Variants in CDH12 observed in about 807,000 individuals in gnomAD.
CDH12 encodes the protein cadherin-12.
In CDH12, 41 loss-of-function variants were observed where a neutral mutation model predicts 74.1. The observed-to-expected ratio is 0.55, with a 90% CI of 0.43 to 0.72. The LOEUF is 0.72. Ranked by LOEUF, CDH12 falls within the 30% of genes least tolerant of loss-of-function variation. The pLI, the probability that CDH12 is intolerant of heterozygous loss-of-function variation, is 0.00. For missense variants in CDH12, 945 were observed against 977.2 expected, an observed-to-expected ratio of 0.97 and a Z score of 0.44; for synonymous variants, 399 against 355.0, an observed-to-expected ratio of 1.12 and a Z score of -1.39.
intron 3 of CDH12, among the ~76,000 whole-genome samples, chr5:22,343,323 C>CACAGAGAGAGAGAG (rs1378956871): frequency 7.3e-6 from 1 of 136,260 alleles, no homozygotes; most frequent in African/African-American, 2.9e-5. Context: ...GACACACACA[C>CACAGAGAGAGAGAG]AGAGAGAGAG....
At chr5:21,842,843 A>T (rs922200260) in intron 7 of CDH12, among the ~76,000 whole-genome samples, 6 of 152,126 alleles carry the variant, frequency 3.9e-5, no homozygotes, top group African/African-American at 1.2e-4. Flanking sequence ...TGTCTTTCAG[A>T]ATTCCCGTTA....
At chr5:21,918,326 T>C (rs1279689992) in intron 6 of CDH12, among the ~76,000 whole-genome samples, 2 of 152,146 alleles carry the variant, frequency 1.3e-5, no homozygotes, top group Non-Finnish European at 2.9e-5. Context: ...TAATTCCTAT[T>C]CAGATGTTAC....
intron 1 of CDH12, among the ~76,000 whole-genome samples, chr5:22,578,119 A>C (rs1048768854): frequency 6.6e-6 from 1 of 152,152 alleles, no homozygotes; most frequent in African/African-American, 2.4e-5. Context: ...ATCTTTACAT[A>C]TCTCTCTTTA....
intron 1 of CDH12, among the ~76,000 whole-genome samples, chr5:22,563,842 C>A (rs1428321634): frequency 6.6e-6 from 1 of 152,074 alleles, no homozygotes; most frequent in Non-Finnish European, 1.5e-5. Context: ...AGGGCTTGTG[C>A]AGAGAAACTC....
chr5:22,090,667 A>G (rs1324807814), intron 4 of CDH12, among the ~76,000 whole-genome samples: 2 of 151,724 alleles, frequency 1.3e-5, no homozygotes, highest in African/African-American at 2.4e-5. Context: ...TATAAATGTA[A>G]GAATTCTCAA....
intron 4 of CDH12, among the ~76,000 whole-genome samples, chr5:22,172,699 T>C (rs1749102924): frequency 6.6e-6 from 1 of 151,876 alleles, no homozygotes; most frequent in South Asian, 2.1e-4. Context: ...TAGATGACTG[T>C]ATACTGTCTA....
intron 6 of CDH12, among the ~76,000 whole-genome samples, chr5:21,922,415 G>A (rs187140139): frequency 1.5e-3 from 227 of 152,102 alleles, no homozygotes; most frequent in African/African-American, 5.1e-3. Flanking sequence ...TTACAAAAAC[G>A]CTGAATTATG....
At chr5:22,646,434 T>C (rs974092885) in intron 1 of CDH12, among the ~76,000 whole-genome samples, 4 of 151,778 alleles carry the variant, frequency 2.6e-5, no homozygotes, top group Non-Finnish European at 5.9e-5. Flanking sequence ...CAAAAGAAAA[T>C]TTCTGAATTA....
Position 21,765,016 on chromosome 5 carries a change from A to G in CDH12, c.1477T>C (p.Tyr493His), listed in dbSNP as rs1407082937. Residue 493 changes from tyrosine (Y) to histidine (H), a missense_variant, in exon 12 of 15, where the codon TAT becomes CAT. Tyr to His is a moderately conservative substitution (Grantham distance 83). Transcript: ENST00000382254. Reference protein sequence around the residue: ...NEFPPEISVPYETAVCENAKP... With the variant: ...NEFPPEISVPHETAVCENAKP... ...GCATTTTCACACACGGCTGTCTCAT[A>G]TGGCACAGATATTTCTGGAGGAAAT... The G allele has an allele frequency of 6.2e-7, 1 of 1,613,618 alleles. No individual in the cohort carries two copies. Among genetic ancestry groups the G allele is most frequent in the Admixed American group, 1.7e-5 (1 of 59,982 alleles).
intron 1 of CDH12, among the ~76,000 whole-genome samples, chr5:22,558,519 A>G (rs1738902135): frequency 6.6e-6 from 1 of 152,114 alleles, no homozygotes; most frequent in African/African-American, 2.4e-5. Context: ...GCAGGGGACA[A>G]CCTCTGCTCA....
chr5:21,882,674 G>A, intron 6 of CDH12: 1 of 1,602,706 alleles, frequency 6.2e-7, no homozygotes, highest in African/African-American at 1.3e-5. Context: ...TGCCAAAGAT[G>A]TAAAATTTGG....
At chr5:22,450,272 T>G (rs1172419489) in intron 2 of CDH12, among the ~76,000 whole-genome samples, 3 of 151,932 alleles carry the variant, frequency 2.0e-5, no homozygotes, top group Admixed American at 6.6e-5. Context: ...GTTCTTGCCA[T>G]ACATCAAGTA....
chr5:22,032,089 TTATAAA>T (rs1404401023), intron 5 of CDH12, among the ~76,000 whole-genome samples: 4 of 151,708 alleles, frequency 2.6e-5, no homozygotes, highest in African/African-American at 9.7e-5. Context: ...TATGACAATA[TTATAAA>T]TAGAAATATT....
chr5:21,943,607 T>C (rs1755438554), intron 6 of CDH12, among the ~76,000 whole-genome samples: 1 of 152,176 alleles, frequency 6.6e-6, no homozygotes, highest in Non-Finnish European at 1.5e-5. Context: ...CTCAGTTGTG[T>C]AGGAAATAAG....
chr5:22,332,727 A>T (rs1427386713), intron 3 of CDH12, among the ~76,000 whole-genome samples: 1 of 152,238 alleles, frequency 6.6e-6, no homozygotes, highest in Non-Finnish European at 1.5e-5. Context: ...GCTCAACATC[A>T]ATGATCATTA....
intron 3 of CDH12, among the ~76,000 whole-genome samples, chr5:22,343,283 TACAC>T (rs70959717): frequency 0.011 from 983 of 92,634 alleles, 19 homozygotes; most frequent in African/African-American, 0.037. Context: ...ACATAAACCC[TACAC>T]ACACACACAC....
chr5:22,002,980 T>TA (rs1218818895), intron 5 of CDH12, among the ~76,000 whole-genome samples: 1 of 152,086 alleles, frequency 6.6e-6, no homozygotes, highest in African/African-American at 2.4e-5. Flanking sequence ...TCAAAAATGA[T>TA]ATAGCTAAAG....
At chr5:22,349,277 T>G (rs1279491579) in intron 3 of CDH12, among the ~76,000 whole-genome samples, 1 of 152,178 alleles carries the variant, frequency 6.6e-6, no homozygotes, top group Admixed American at 6.5e-5. Context: ...TGACAGTCAG[T>G]TTCCCTCCTC....
In CDH12 at chr5:22,819,408, G is replaced by T. The variant is rs747023783; in HGVS notation, c.-523+33650C>A. Reference sequence around the variant, plus strand: ...ATATATCTTAAATAGGTAAACAAAGGCACCCTTCATATATATTTCTACCTA... The same window carrying T: ...ATATATCTTAAATAGGTAAACAAAGTCACCCTTCATATATATTTCTACCTA... On this transcript the variant is annotated intron_variant, in intron 1 of 14. Coordinates refer to ENST00000382254, the MANE Select transcript of CDH12 (RefSeq NM_004061.5). 2.0e-4 allele frequency among the ~76,000 whole-genome samples: 30 copies of T among 151,620 alleles called. 1 individual carries two copies. Among genetic ancestry groups the T allele is most frequent in the Non-Finnish European group, 3.7e-4 (25 of 67,932 alleles).
Sources: allele counts gnomAD v4.1 joint callset (sites outside exome capture counted in the v4.1 genomes callset), GRCh38; gene constraint gnomAD v4.1.1; transcripts MANE v1.5; gene names NCBI Gene and HGNC (gene_info 2026-07-23, HGNC 2026-07-21).